Variants in SIN3B observed in about 807,000 individuals in gnomAD.
The protein encoded by SIN3B is paired amphipathic helix protein Sin3b.
Under a neutral mutation model 120.2 loss-of-function variants are expected in SIN3B, and 19 were observed. That is an observed-to-expected ratio of 0.16 (90% CI 0.11 to 0.23). SIN3B has a LOEUF of 0.23. SIN3B is among the 10% of genes least tolerant of loss of function. The pLI is 1.00. For synonymous variants in SIN3B, 654 were observed against 653.2 expected, an observed-to-expected ratio of 1.00 and a Z score of -0.02; for missense variants, 1,073 against 1,573.0, an observed-to-expected ratio of 0.68 and a Z score of 5.38.
intron 14 of SIN3B, among the ~76,000 whole-genome samples, chr19:16,874,764 G>C (rs1196507143): frequency 6.6e-6 from 1 of 151,504 alleles, no homozygotes; most frequent in African/African-American, 2.4e-5. Flanking sequence ...GGTCTAGTTT[G>C]GTTGGTTTTG....
In SIN3B at chr19:16,878,708, G is replaced by A. The variant is rs143041673; in HGVS notation, c.3374G>A (p.Arg1125His). 12 of 1,605,328 alleles carry A rather than the reference G, an allele frequency of 7.5e-6. No homozygotes were observed. The highest frequency in any genetic ancestry group is 4.4e-5 in the South Asian group (4 of 90,188). Residue 1125 changes from arginine to histidine, a missense_variant, in exon 19 of 19, where the codon CGC becomes CAC. Transcript: ENST00000248054. Reference sequence around the variant, plus strand: ...ACCCGCTACCGCGTGCAGTACAGCCGCCGCCCGGCCTCGCCCTGACCCGCC... The same window carrying A: ...ACCCGCTACCGCGTGCAGTACAGCCACCGCCCGGCCTCGCCCTGACCCGCC... ...PVTRYRVQYS[R>H]RPASP
In SIN3B at chr19:16,841,928, A is replaced by G; in HGVS notation, c.542A>G (p.Glu181Gly). 6.2e-7 allele frequency: 1 copy of G among 1,614,090 alleles called. No homozygotes were observed. The highest frequency in any genetic ancestry group is 8.5e-7 in the Non-Finnish European group (1 of 1,180,018). ...KIKTRFLDHP[E>G]IYRSFLEILH... ...AAAACCCGCTTCCTAGACCACCCAG[A>G]AATCTACAGGTCATTCCTGGAGATC... Residue 181 changes from glutamate to glycine, a missense_variant, in exon 4 of 19, where the codon GAA (glutamate) becomes GGA (glycine). Glu to Gly is a moderately conservative substitution (Grantham distance 98). This residue lies in a region of SIN3B where 395 missense variants were observed against 528.0 expected (regional missense o/e 0.75). Coordinates refer to ENST00000248054, the MANE Select transcript of SIN3B (RefSeq NM_001297595.2).
chr19:16,835,995 C>A lies in SIN3B; in HGVS notation c.381+4348C>A, dbSNP rs573211665. 8.4e-3 allele frequency among the ~76,000 whole-genome samples: 1,278 copies of A among 152,112 alleles called. 10 individuals carry two copies. The highest frequency in any genetic ancestry group is 0.02 in the Middle Eastern group (6 of 294). ...TTGACTGTTTTGAAGTATCTTTTTC[C>A]CCCCCCAATTTTATCACAAAGCCTG... On this transcript the variant is annotated intron_variant, in intron 3 of 18. Transcript: ENST00000248054.
chr19:16,836,309 C>T (rs780285715), intron 3 of SIN3B, among the ~76,000 whole-genome samples: 3 of 152,108 alleles, frequency 2.0e-5, no homozygotes, highest in Non-Finnish European at 2.9e-5. Context: ...GGAAGACAGA[C>T]ACAGGCCGTG....
In SIN3B at chr19:16,869,848, C is replaced by T. The variant is rs769755250; in HGVS notation, c.2195C>T (p.Pro732Leu). 1.1e-5 allele frequency: 17 copies of T among 1,614,036 alleles called. No individual in the cohort carries two copies. The highest frequency in any genetic ancestry group is 2.7e-5 in the African/African-American group (2 of 74,954). The change falls in exon 13 of 19, where the codon CCG becomes CTG. Residue 732 changes from proline (P) to leucine (L), a missense_variant. Physicochemically the swap from Pro to Leu is moderately conservative, Grantham distance 98. Transcript: ENST00000248054. ...CAGCCACCCCTGCCGCCCCCAGCCC[C>T]GCACAAGCCCCTGGACGATGTCTAC... ...TEQPPLPPPA[P>L]HKPLDDVYSL...
chr19:16,860,099 C>T (rs995178858), intron 8 of SIN3B, among the ~76,000 whole-genome samples: 6 of 152,134 alleles, frequency 3.9e-5, no homozygotes, highest in African/African-American at 9.7e-5. Flanking sequence ...AGTAGAGACT[C>T]GTATGGGGAA....
Position 16,878,317 on chromosome 19 carries a change from C to T in SIN3B, c.3089C>T (p.Thr1030Ile). The change falls in exon 18 of 19, where the codon ACT becomes ATT. Residue 1030 changes from threonine (T) to isoleucine (I), a missense_variant. By Grantham distance (89) the Thr-to-Ile change is moderately conservative (BLOSUM62 -1). This residue lies in a region of SIN3B where 311 missense variants were observed against 400.3 expected (regional missense o/e 0.78). Transcript: ENST00000248054. ...GTGGACTGCCGCTTCAAGCTCAGCA[C>T]TCACAAGATGGTGTTCATCGTGAAC... ...CDVDCRFKLS[T>I]HKMVFIVNSE... 1 of 1,612,144 alleles carries T rather than the reference C, an allele frequency of 6.2e-7. No individual in the cohort carries two copies. The highest frequency in any genetic ancestry group is 8.5e-7 in the Non-Finnish European group (1 of 1,179,506).
chr19:16,847,646 G>A (rs1168894962), intron 5 of SIN3B, among the ~76,000 whole-genome samples: 1 of 152,218 alleles, frequency 6.6e-6, no homozygotes, highest in Non-Finnish European at 1.5e-5. Flanking sequence ...GGCTCACCCT[G>A]CACAGTCAGC....
At chr19:16,846,935 T>C (rs917764974) in intron 4 of SIN3B, 35 bp from the exon 5 acceptor site, 20 of 1,607,268 alleles carry the variant, frequency 1.2e-5, no homozygotes, top group Middle Eastern at 1.6e-4. Context: ...ACTCCTTGAC[T>C]AACGACTTAT....
chr19:16,866,995 T>C (rs1254924164), intron 12 of SIN3B, among the ~76,000 whole-genome samples: 1 of 152,172 alleles, frequency 6.6e-6, no homozygotes, highest in Non-Finnish European at 1.5e-5. Flanking sequence ...GACCTCGTGA[T>C]CCACCCACCT....
chr19:16,878,472 C>G (rs1568429912), intron 18 of SIN3B, 25 bp from the exon 19 acceptor site: 2 of 1,562,444 alleles, frequency 1.3e-6, no homozygotes, highest in Non-Finnish European at 1.7e-6. Context: ...CCCTCAGCTG[C>G]CCTGACACCC....
At chr19:16,848,718 C>G (rs891798502) in intron 5 of SIN3B, among the ~76,000 whole-genome samples, 3 of 152,180 alleles carry the variant, frequency 2.0e-5, no homozygotes, top group African/African-American at 7.2e-5. Context: ...CCAGGCTGGT[C>G]TCGAGCTCCT....
intron 8 of SIN3B, among the ~76,000 whole-genome samples, chr19:16,857,941 A>G (rs930409824): frequency 1.3e-5 from 2 of 152,056 alleles, no homozygotes; most frequent in Admixed American, 6.6e-5. Context: ...CAATGGTGCG[A>G]TCTCAGCTCA....
chr19:16,848,778 G>A (rs1971510078), intron 5 of SIN3B, among the ~76,000 whole-genome samples: 1 of 152,042 alleles, frequency 6.6e-6, no homozygotes, highest in Non-Finnish European at 1.5e-5. Flanking sequence ...TGGGATTACA[G>A]GTGTGAGCCA....
At chr19:16,832,398 A>T (rs1214502755) in intron 3 of SIN3B, among the ~76,000 whole-genome samples, 1 of 150,314 alleles carries the variant, frequency 6.7e-6, no homozygotes, top group African/African-American at 2.5e-5. Context: ...GGGTTTCTTC[A>T]TGTTGGCCAG....
Position 16,854,069 on chromosome 19 carries a change from T to A in SIN3B, c.940-74T>A. On this transcript the variant is annotated intron_variant, in intron 7 of 18. Transcript: ENST00000248054. The stretch of plus-strand genomic sequence containing the variant: ...TTCCCATATCGCACACCCATGTGGC[T>A]GACCTACAAGTGAGCCAGGCCCAGA... The A allele has an allele frequency of 2.7e-6, 3 of 1,096,820 alleles. 1 individual carries two copies. The highest frequency in any genetic ancestry group is 4.1e-6 in the Non-Finnish European group (3 of 740,322). The allele number at this position is 1,096,820 out of a possible 1,614,324, so 67.9% of individuals were successfully genotyped here.
chr19:16,859,141 A>G (rs1343326220), intron 8 of SIN3B, among the ~76,000 whole-genome samples: 1 of 151,958 alleles, frequency 6.6e-6, no homozygotes, highest in Non-Finnish European at 1.5e-5. Context: ...CAGAGTGAGA[A>G]CCTGTCTCAA....
intron 14 of SIN3B, among the ~76,000 whole-genome samples, chr19:16,873,668 C>A (rs866092389): frequency 2.0e-5 from 3 of 152,150 alleles, no homozygotes; most frequent in Non-Finnish European, 4.4e-5. Flanking sequence ...ATAAACAACT[C>A]CTCTAGAACC....
At chr19:16,861,160 G>C (rs951748603) in intron 8 of SIN3B, among the ~76,000 whole-genome samples, 11 of 152,136 alleles carry the variant, frequency 7.2e-5, no homozygotes, top group African/African-American at 2.7e-4. Context: ...CCAGAGAGGG[G>C]TTCACAGAGA....
Sources: gnomAD v4.1 joint callset for allele counts (sites outside exome capture counted in the v4.1 genomes callset) on GRCh38, gnomAD v4.1.1 for gene constraint, gnomAD v4.1.1 regional missense constraint, MANE v1.5 for transcripts, NCBI Gene and HGNC (gene_info 2026-07-23, HGNC 2026-07-21) for gene names.